Variants in METTL16 observed in about 807,000 individuals in gnomAD.
METTL16 encodes methyltransferase 16, RNA N6-adenosine.
In METTL16, 19 loss-of-function variants were observed where a neutral mutation model predicts 57.9. The observed-to-expected ratio is 0.33, with a 90% confidence interval of 0.23 to 0.48. The LOEUF (loss-of-function observed/expected upper bound fraction) is 0.48. Among genes scored for constraint, METTL16 ranks in the 20% least tolerant of loss-of-function variants. The pLI is 0.99. For missense variants in METTL16, 434 were observed against 691.5 expected (o/e 0.63, Z 4.18); for synonymous variants, 246 against 255.6 (o/e 0.96, Z 0.36).
At chr17:2,433,708 A>G (rs1050474534) in intron 8 of METTL16, among the ~76,000 whole-genome samples, 1 of 152,218 alleles carries the variant, frequency 6.6e-6, no homozygotes, top group African/African-American at 2.4e-5. Context: ...ACAACAACAA[A>G]TATTATATCC....
At chr17:2,445,419 T>C (rs576820308) in intron 6 of METTL16, among the ~76,000 whole-genome samples, 1 of 152,290 alleles carries the variant, frequency 6.6e-6, no homozygotes, top group Non-Finnish European at 1.5e-5. Flanking sequence ...CACATGACTG[T>C]ATATTAAAAC....
In METTL16 at chr17:2,511,258, C is replaced by T. The variant is rs574210132; in HGVS notation, c.-1+501G>A. 2.0e-5 allele frequency among the ~76,000 whole-genome samples: 3 copies of T among 150,576 alleles called. No homozygotes were observed. The East Asian group carries it at 5.9e-4, about 29-fold the overall frequency. ...TTTCTCATCTCCATGCTTCTGTTTCCTTGGTTCCTCTTGACCATTAACCCT... is the reference window on the plus strand; with the variant it reads ...TTTCTCATCTCCATGCTTCTGTTTCTTTGGTTCCTCTTGACCATTAACCCT... On this transcript the variant is annotated intron_variant, in intron 1 of 9. Transcript: ENST00000263092.
At position 2,438,101 on chromosome 17, in the gene METTL16, G is replaced by C; in HGVS notation, c.888+8C>G. 6.2e-7 allele frequency: 1 copy of C among 1,603,812 alleles called. No individual in the cohort carries two copies. The highest frequency in any genetic ancestry group is 8.5e-7 in the Non-Finnish European group (1 of 1,170,834). On this transcript the variant is annotated splice_region_variant and intron_variant, in intron 8 of 9. Transcript: ENST00000263092. Reference sequence around the variant, plus strand: ...CAGGTGGTGAAGCGGAGCAAGGTCTGTACTTACTGGTACTGTGACATCATC... The same window carrying C: ...CAGGTGGTGAAGCGGAGCAAGGTCTCTACTTACTGGTACTGTGACATCATC...
chr17:2,467,518 C>A (rs553546291), intron 5 of METTL16, among the ~76,000 whole-genome samples: 3 of 152,004 alleles, frequency 2.0e-5, no homozygotes, highest in Admixed American at 1.3e-4. Context: ...CTCTGCCTCC[C>A]GGGTTCTAGC....
chr17:2,433,166 C>T (rs2066886326), intron 8 of METTL16, among the ~76,000 whole-genome samples: 1 of 152,148 alleles, frequency 6.6e-6, no homozygotes, highest in South Asian at 2.1e-4. Context: ...GAGCTCTATG[C>T]AAGTAAGTTG....
At chr17:2,464,130 C>CA (rs573586064) in intron 6 of METTL16, 78 bp downstream of exon 6, 231 of 1,445,762 alleles carry the variant, frequency 1.6e-4, no homozygotes, top group Middle Eastern at 4.5e-4. Context: ...CCCCCGCCAC[C>CA]AAAAAAAAGA....
At chr17:2,457,837 A>G (rs2067122694) in intron 6 of METTL16, among the ~76,000 whole-genome samples, 1 of 152,146 alleles carries the variant, frequency 6.6e-6, no homozygotes, top group Admixed American at 6.5e-5. Flanking sequence ...TTTACCAATG[A>G]TAAATCAAAA....
intron 3 of METTL16, chr17:2,475,207 C>T (rs2151568613): frequency 6.6e-6 from 1 of 152,338 alleles, no homozygotes; most frequent in East Asian, 1.9e-4. Context: ...CATTTAAGCT[C>T]TCCGACGGTC....
intron 4 of METTL16, among the ~76,000 whole-genome samples, chr17:2,472,929 C>T (rs2067243976): frequency 6.6e-6 from 1 of 152,000 alleles, no homozygotes; most frequent in African/African-American, 2.4e-5. Context: ...TACATGTCAG[C>T]TTCATTATTC....
At chr17:2,446,575 G>C (rs145719810) in intron 6 of METTL16, among the ~76,000 whole-genome samples, 2 of 147,196 alleles carry the variant, frequency 1.4e-5, no homozygotes, top group Admixed American at 1.3e-4. Flanking sequence ...AAGGTCAAGA[G>C]ATCAAGAGCA....
intron 2 of METTL16, among the ~76,000 whole-genome samples, chr17:2,480,231 C>A (rs942784890): frequency 6.7e-6 from 1 of 150,280 alleles, no homozygotes; most frequent in African/African-American, 2.4e-5. Flanking sequence ...ATACCTTTCA[C>A]AGGAAAAGAC....
In METTL16 at chr17:2,444,095, A is replaced by G. The variant is rs1053756882; in HGVS notation, c.729-2536T>C. ...TTGATTGAATCATTTAACAATAAATACATACAGCCATGAGTCACATAAGGA... is the reference window on the plus strand; with the variant it reads ...TTGATTGAATCATTTAACAATAAATGCATACAGCCATGAGTCACATAAGGA... On this transcript the variant is annotated intron_variant, in intron 6 of 9. Coordinates refer to ENST00000263092, the MANE Select transcript of METTL16 (RefSeq NM_024086.4). Among the ~76,000 whole-genome samples the G allele has an allele frequency of 3.9e-5, 6 of 152,334 alleles. No individual in the cohort carries two copies. The East Asian group carries it at 5.8e-4, about 15-fold the overall frequency.
chr17:2,436,648 C>T (rs1398391063), intron 8 of METTL16: 2 of 152,270 alleles, frequency 1.3e-5, no homozygotes, highest in South Asian at 2.1e-4. Context: ...GTCAGGTCCC[C>T]GCACATACTA....
chr17:2,453,509 G>A (rs997809856), intron 6 of METTL16, among the ~76,000 whole-genome samples: 1 of 152,166 alleles, frequency 6.6e-6, no homozygotes, highest in African/African-American at 2.4e-5. Flanking sequence ...GGCGCTGCTT[G>A]TCCTTCCAGG....
chr17:2,419,799 A>G lies in METTL16; in HGVS notation c.*171T>C. Reference sequence around the variant, plus strand: ...CCACACTACGACTCCCTGTAACTCAAAAAGCGGGAAGGAGGCGGGGGGAGG... The same window carrying G: ...CCACACTACGACTCCCTGTAACTCAGAAAGCGGGAAGGAGGCGGGGGGAGG... On this transcript the variant is annotated 3_prime_UTR_variant, in exon 10 of 10. Transcript: ENST00000263092. 2.5e-6 allele frequency: 2 copies of G among 811,242 alleles called. No homozygotes were observed. Among genetic ancestry groups the G allele is most frequent in the South Asian group, 3.0e-5 (2 of 67,792 alleles). 50.3% of individuals were successfully genotyped at this position (811,242 alleles called of 1,614,324 possible).
chr17:2,466,193 C>CAA (rs35300433), intron 5 of METTL16, among the ~76,000 whole-genome samples: 15 of 103,822 alleles, frequency 1.4e-4, no homozygotes, highest in East Asian at 8.5e-4. Flanking sequence ...GACTCTGTCA[C>CAA]AAAAAAAAAA....
At chr17:2,487,965 A>G (rs561135068) in intron 2 of METTL16, among the ~76,000 whole-genome samples, 5 of 152,020 alleles carry the variant, frequency 3.3e-5, no homozygotes, top group Non-Finnish European at 7.4e-5. Flanking sequence ...TGATCGCATC[A>G]CTGTATTCCA....
chr17:2,449,338 A>G (rs2067051372), intron 6 of METTL16, among the ~76,000 whole-genome samples: 1 of 152,180 alleles, frequency 6.6e-6, no homozygotes, highest in Admixed American at 6.6e-5. Context: ...TGATGCTAAA[A>G]TTTATATGGA....
At chr17:2,487,003 C>CAAAAAA (rs11397318) in intron 2 of METTL16, among the ~76,000 whole-genome samples, 1 of 57,404 alleles carries the variant, frequency 1.7e-5, no homozygotes, top group Admixed American at 2.8e-4. Context: ...GATCCTGTCT[C>CAAAAAA]AAAAAAAAAA....
Sources: gnomAD v4.1 joint callset for allele counts (sites outside exome capture counted in the v4.1 genomes callset) on GRCh38, gnomAD v4.1.1 for gene constraint, MANE v1.5 for transcripts, NCBI Gene and HGNC (gene_info 2026-07-23, HGNC 2026-07-21) for gene names.